PHKA2: variants seen among roughly 807,000 people sequenced by gnomAD.
PHKA2 encodes the protein phosphorylase b kinase regulatory subunit alpha, liver isoform.
Under a neutral mutation model 102.0 loss-of-function variants are expected in PHKA2, and 31 were observed. The ratio of observed to expected loss-of-function variants is 0.30; its 90% confidence interval spans 0.23 to 0.41. The LOEUF (loss-of-function observed/expected upper bound fraction) is 0.41. Ranked by LOEUF, PHKA2 falls within the 10% of genes least tolerant of loss-of-function variation. PHKA2 has a pLI of 1.00. For synonymous variants in PHKA2, 455 were observed against 416.2 expected, an observed-to-expected ratio of 1.09 and a Z score of -1.13; for missense variants, 858 against 1,023.1, an observed-to-expected ratio of 0.84 and a Z score of 2.20.
chrX:18,969,417 T>C (rs2048989794), intron 1 of PHKA2, among the ~76,000 whole-genome samples: 1 of 112,160 alleles, frequency 8.9e-6, no homozygotes, highest in East Asian at 2.8e-4. Flanking sequence ...GCTTTATATG[T>C]ACTTTTCACG....
intron 15 of PHKA2, 148 bp from the exon 16 acceptor site, chrX:18,924,673 C>A: frequency 1.8e-6 from 1 of 570,596 alleles, no homozygotes; most frequent in Non-Finnish European, 3.0e-6. Context: ...TGGGGCTGCC[C>A]TGCTCAAGAT....
At position 18,918,180 on chromosome X, in the gene PHKA2, C is replaced by T. The variant is rs778264543; in HGVS notation, c.2137+501G>A. On this transcript the variant is annotated intron_variant, in intron 19 of 32. Transcript: ENST00000379942. Reference sequence around the variant, plus strand: ...ACTGAGCTTGTGGAAATTTGTATTGCGAGGCCACTGGAAGATGTAGAAAGA... The same window carrying T: ...ACTGAGCTTGTGGAAATTTGTATTGTGAGGCCACTGGAAGATGTAGAAAGA... Among the ~76,000 whole-genome samples the T allele has an allele frequency of 3.6e-5, 4 of 111,407 alleles. No individual in the cohort carries two copies. In the East Asian group the frequency reaches 1.1e-3, roughly 31 times the overall value.
intron 1 of PHKA2, among the ~76,000 whole-genome samples, chrX:18,957,761 A>ATATATATATATATATATATAT (rs2048805796): frequency 1.1e-5 from 1 of 94,535 alleles, no homozygotes; most frequent in African/African-American, 5.0e-5. Flanking sequence ...TATATATATA[A>ATATATATATATATATATATAT]TTGTACCCCT....
chrX:18,913,987 A>G (rs1359182611), intron 19 of PHKA2, among the ~76,000 whole-genome samples: 4 of 112,464 alleles, frequency 3.6e-5, no homozygotes, highest in Non-Finnish European at 7.5e-5. Flanking sequence ...ACGTTTTTTA[A>G]TAAGTAAAAG....
chrX:18,939,562 C>T (rs1029824329), intron 9 of PHKA2, among the ~76,000 whole-genome samples: 48 of 112,007 alleles, frequency 4.3e-4, no homozygotes, highest in African/African-American at 1.5e-3. Flanking sequence ...GGCGCGATTT[C>T]GGCTCAGTGC....
In PHKA2 at chrX:18,905,819, G is replaced by A. The variant is rs769275503; in HGVS notation, c.2847C>T (p.Phe949=). Residue 949 remains phenylalanine, a synonymous_variant, in exon 26 of 33, where the codon TTC becomes TTT. Coordinates refer to ENST00000379942, the MANE Select transcript of PHKA2 (RefSeq NM_000292.3). ...TATGGTGCAGGAGATTTTTCATATC[G>A]AAAGGGCTGAGGTTCATCAAACTTT... ...ASESLMNLSP[F]DMKNLLHHIL... The A allele has an allele frequency of 5.0e-6, 6 of 1,206,857 alleles. No homozygotes were observed. In the South Asian group the frequency reaches 8.8e-5, roughly 18 times the overall value.
At chrX:18,913,562 C>T (rs895966217) in intron 19 of PHKA2, among the ~76,000 whole-genome samples, 1 of 109,375 alleles carries the variant, frequency 9.1e-6, no homozygotes, top group Non-Finnish European at 1.9e-5. Context: ...TGTGCCTCCA[C>T]GCCCAGCTAA....
intron 9 of PHKA2, among the ~76,000 whole-genome samples, chrX:18,939,740 A>T (rs1414548103): frequency 9.0e-6 from 1 of 111,371 alleles, no homozygotes; most frequent in Non-Finnish European, 1.9e-5. Flanking sequence ...TGATCCGCCC[A>T]CCTTGGCCTC....
intron 1 of PHKA2, among the ~76,000 whole-genome samples, chrX:18,967,500 G>T (rs1469912447): frequency 9.1e-6 from 1 of 109,534 alleles, no homozygotes; most frequent in East Asian, 2.9e-4. Context: ...GTCAAGAGAT[G>T]ACGGTGGCTT....
intron 31 of PHKA2, 111 bp from the exon 32 acceptor site, chrX:18,894,515 C>T (rs770281948): frequency 2.3e-4 from 153 of 651,587 alleles, no homozygotes; most frequent in Non-Finnish European, 3.6e-4. Flanking sequence ...CGGGGCTCAG[C>T]GCCACTGCTG....
chrX:18,962,601 G>A (rs935262705), intron 1 of PHKA2, among the ~76,000 whole-genome samples: 4 of 111,115 alleles, frequency 3.6e-5, no homozygotes, highest in Admixed American at 9.6e-5. Context: ...CAACACTTAG[G>A]TACAAGAAAA....
intron 1 of PHKA2, among the ~76,000 whole-genome samples, chrX:18,966,337 C>T (rs1427778299): frequency 9.1e-6 from 1 of 110,055 alleles, no homozygotes; most frequent in Non-Finnish European, 1.9e-5. Flanking sequence ...AGTGATCCCC[C>T]CGCCTTGGCC....
At chrX:18,923,647 G>C (rs1338072652) in intron 17 of PHKA2, among the ~76,000 whole-genome samples, 1 of 112,472 alleles carries the variant, frequency 8.9e-6, no homozygotes, top group Non-Finnish European at 1.9e-5. Flanking sequence ...TCCTGCAAAT[G>C]AATCTTAAGG....
chrX:18,971,465 C>T (rs2049018717), intron 1 of PHKA2, among the ~76,000 whole-genome samples: 1 of 111,937 alleles, frequency 8.9e-6, no homozygotes, highest in South Asian at 3.7e-4. Flanking sequence ...AAGTAAGTCA[C>T]CTGGATTTAA....
intron 31 of PHKA2, 150 bp from the exon 32 acceptor site, chrX:18,894,554 G>C: frequency 3.8e-6 from 2 of 522,843 alleles, no homozygotes; most frequent in African/African-American, 2.3e-5. Context: ...CCTGGATCCT[G>C]CTGGCAGTGG....
In PHKA2 at chrX:18,954,307, G is replaced by A. The variant is rs201643189; in HGVS notation, c.184C>T (p.Arg62Cys). 7 of 1,210,030 alleles carry A rather than the reference G, an allele frequency of 5.8e-6. No homozygotes were observed. Among genetic ancestry groups the A allele is most frequent in the East Asian group, 5.9e-5 (2 of 33,749 alleles). ...TCCTCATCGCGGTCTGCATTCTTAC[G>A]GTAGGCCATGCCCAGGCCCCACACG... ...LAVWGLGMAYRKNADRDEDKA... is the reference protein window; with the variant it reads ...LAVWGLGMAYCKNADRDEDKA... The change falls in exon 2 of 33, where the codon CGT becomes TGT. Residue 62 changes from arginine to cysteine, a missense_variant. By Grantham distance (180) the Arg-to-Cys change is radical. Transcript: ENST00000379942.
intron 32 of PHKA2, 77 bp from the exon 33 acceptor site, chrX:18,893,732 G>A (rs977424893): frequency 1.3e-5 from 12 of 916,640 alleles, no homozygotes; most frequent in East Asian, 3.1e-5. Flanking sequence ...TGGTGGCAGC[G>A]GGTCAACATG....
intron 1 of PHKA2, among the ~76,000 whole-genome samples, chrX:18,968,928 C>A (rs2048981763): frequency 9.0e-6 from 1 of 111,034 alleles, no homozygotes; most frequent in Non-Finnish European, 1.9e-5. Flanking sequence ...CCAGTCTGAC[C>A]AACATGGTAA....
intron 32 of PHKA2, 121 bp from the exon 33 acceptor site, chrX:18,893,776 G>T: frequency 3.0e-6 from 2 of 667,931 alleles, no homozygotes; most frequent in South Asian, 4.6e-5. Flanking sequence ...TAGAGCCTTG[G>T]CCTTCTGAGA....
Sources: allele counts gnomAD v4.1 joint callset (sites outside exome capture counted in the v4.1 genomes callset), GRCh38; gene constraint gnomAD v4.1.1; transcripts MANE v1.5; gene names NCBI Gene and HGNC (gene_info 2026-07-23, HGNC 2026-07-21).